Variants in SGCD observed in about 807,000 individuals in gnomAD.
SGCD encodes delta-sarcoglycan.
In SGCD, 18 loss-of-function variants were observed where a neutral mutation model predicts 36.6. That is an observed-to-expected ratio of 0.49 (90% CI 0.34 to 0.73). The LOEUF (loss-of-function observed/expected upper bound fraction) is 0.73. SGCD is among the 30% of genes least tolerant of loss of function. SGCD has a pLI of 0.01. For missense variants in SGCD, 387 were observed against 346.7 expected (o/e 1.12, Z -0.92); for synonymous variants, 133 against 130.6 (o/e 1.02, Z -0.12).
chr5:156,386,960 A>T (rs1771309235), intron 3 of SGCD, among the ~76,000 whole-genome samples: 1 of 152,188 alleles, frequency 6.6e-6, no homozygotes, highest in African/African-American at 2.4e-5. Flanking sequence ...CACACCAGTT[A>T]AAAGTGTACT....
intron 1 of SGCD, among the ~76,000 whole-genome samples, chr5:155,918,652 C>A (rs777224330): frequency 6.6e-6 from 1 of 152,158 alleles, no homozygotes; most frequent in Non-Finnish European, 1.5e-5. Flanking sequence ...CAAACTTGAC[C>A]TCTCTACTTT....
the SGCD span, among the ~76,000 whole-genome samples, chr5:155,735,339 A>G: frequency 6.6e-6 from 1 of 152,194 alleles, no homozygotes; most frequent in Admixed American, 6.5e-5. Context: ...AGTTAATGTG[A>G]TTTTATCTGT....
At chr5:155,778,362 C>T in the SGCD span, among the ~76,000 whole-genome samples, 1 of 152,090 alleles carries the variant, frequency 6.6e-6, no homozygotes. Flanking sequence ...CCTAATATAT[C>T]GACTGCATTA....
intron 1 of SGCD, among the ~76,000 whole-genome samples, chr5:156,068,325 A>C (rs1384435050): frequency 2.8e-5 from 4 of 144,220 alleles, no homozygotes; most frequent in Admixed American, 7.0e-5. Context: ...TCCTGTGTCC[A>C]TGTGTTCTCA....
chr5:156,005,430 TG>T (rs1554111114), intron 1 of SGCD, among the ~76,000 whole-genome samples: 1 of 59,164 alleles, frequency 1.7e-5, no homozygotes, highest in Admixed American at 1.5e-4. Flanking sequence ...CTTCAGTTTT[TG>T]TTGTTGTTGT....
rs115881864 is a variant in SGCD at position 156,746,081 on chromosome 5, A to G, written c.576-11500A>G. On this transcript the variant is annotated intron_variant, in intron 7 of 8. Coordinates refer to ENST00000337851, the MANE Select transcript of SGCD (RefSeq NM_000337.6). ...TGCAAATAAAGCGAAATTTACATGC[A>G]GACATATCAGAATGACACTATAGAC... 3.3e-3 allele frequency among the ~76,000 whole-genome samples: 507 copies of G among 152,150 alleles called. 5 individuals are homozygous for G. Among genetic ancestry groups the G allele is most frequent in the African/African-American group, 0.011 (477 of 41,532 alleles).
intron 7 of SGCD, among the ~76,000 whole-genome samples, chr5:156,652,843 T>C (rs1763514828): frequency 6.6e-6 from 1 of 152,134 alleles, no homozygotes; most frequent in Non-Finnish European, 1.5e-5. Context: ...TCTATATCTC[T>C]TGAGATGATC....
intron 3 of SGCD, among the ~76,000 whole-genome samples, chr5:156,391,263 A>T (rs1390726793): frequency 6.6e-6 from 1 of 152,254 alleles, no homozygotes; most frequent in Non-Finnish European, 1.5e-5. Flanking sequence ...AATAAGCTAT[A>T]TCATACAGCC....
rs116003478 is a variant in SGCD, at chr5:156,692,961, A to G, written c.575+45425A>G. 2.2e-3 allele frequency among the ~76,000 whole-genome samples: 333 copies of G among 152,312 alleles called. 2 individuals carry two copies. The highest frequency in any genetic ancestry group is 7.6e-3 in the African/African-American group (317 of 41,566). On this transcript the variant is annotated intron_variant, in intron 7 of 8. Coordinates refer to ENST00000337851, the MANE Select transcript of SGCD (RefSeq NM_000337.6). ...CCGTGTGCCAGACACTATACACAGC[A>G]CAGTCACCTCCTTTTATCCTCCTCA...
At chr5:156,118,490 G>A (rs1380097432) in intron 2 of SGCD, among the ~76,000 whole-genome samples, 1 of 152,066 alleles carries the variant, frequency 6.6e-6, no homozygotes, top group Non-Finnish European at 1.5e-5. Flanking sequence ...GTCAGGGCGG[G>A]CATCTATTCT....
At chr5:156,041,936 C>T (rs563412111) in intron 1 of SGCD, among the ~76,000 whole-genome samples, 1 of 152,148 alleles carries the variant, frequency 6.6e-6, no homozygotes, top group Admixed American at 6.6e-5. Flanking sequence ...CAGCCAAGGA[C>T]ATGCTAGGAA....
intron 6 of SGCD, among the ~76,000 whole-genome samples, chr5:156,645,823 T>C (rs1581322893): frequency 6.6e-6 from 1 of 152,164 alleles, no homozygotes; most frequent in African/African-American, 2.4e-5. Flanking sequence ...TTCTAGTTCA[T>C]AGAAAATGCT....
At chr5:155,936,089 G>A (rs1757190733) in intron 1 of SGCD, among the ~76,000 whole-genome samples, 1 of 152,152 alleles carries the variant, frequency 6.6e-6, no homozygotes. Context: ...GCCCAAAGAG[G>A]GTATTACAGT....
intron 3 of SGCD, among the ~76,000 whole-genome samples, chr5:156,192,888 G>A (rs1204248131): frequency 1.1e-5 from 1 of 91,542 alleles, no homozygotes; most frequent in Non-Finnish European, 2.2e-5. Flanking sequence ...AGACTTTGTG[G>A]CCATGTGGTC....
chr5:156,713,942 G>A (rs1755111407), intron 7 of SGCD, among the ~76,000 whole-genome samples: 1 of 152,214 alleles, frequency 6.6e-6, no homozygotes, highest in Non-Finnish European at 1.5e-5. Flanking sequence ...CATTCACAGA[G>A]GATCCTGGTA....
chr5:155,872,666 A>G (rs1293397463), intron 1 of SGCD, among the ~76,000 whole-genome samples: 1 of 152,130 alleles, frequency 6.6e-6, no homozygotes, highest in African/African-American at 2.4e-5. Context: ...TAAATTTTTT[A>G]TTAAGTACTT....
intron 7 of SGCD, among the ~76,000 whole-genome samples, chr5:156,717,606 C>A (rs1262366963): frequency 1.3e-5 from 2 of 152,226 alleles, no homozygotes; most frequent in Non-Finnish European, 2.9e-5. Flanking sequence ...TGCCTACCTG[C>A]AAACCTCCTT....
chr5:156,622,864 C>G (rs1374831134), intron 6 of SGCD, among the ~76,000 whole-genome samples: 2 of 152,002 alleles, frequency 1.3e-5, no homozygotes, highest in African/African-American at 4.8e-5. Context: ...GGGAGAAGAT[C>G]AGAGGGTGAC....
intron 3 of SGCD, among the ~76,000 whole-genome samples, chr5:156,376,615 G>T (rs891341557): frequency 4.6e-5 from 7 of 152,154 alleles, no homozygotes; most frequent in African/African-American, 1.7e-4. Flanking sequence ...TGACTTTTAG[G>T]TGATCAGAGT....
Sources: allele counts gnomAD v4.1 joint callset (sites outside exome capture counted in the v4.1 genomes callset), GRCh38; gene constraint gnomAD v4.1.1; transcripts MANE v1.5; gene names NCBI Gene and HGNC (gene_info 2026-07-23, HGNC 2026-07-21).